TAS2R1: variants seen among roughly 807,000 people sequenced by gnomAD.
TAS2R1 encodes taste 2 receptor member 1, also known as taste receptor type 2 member 1.
For synonymous variants in TAS2R1, 141 were observed against 134.2 expected (o/e 1.05, Z -0.35); for missense variants, 370 against 353.4 (o/e 1.05, Z -0.38).
the TAS2R1 span, among the ~76,000 whole-genome samples, chr5:9,754,255 T>C: frequency 6.6e-6 from 1 of 152,094 alleles, no homozygotes; most frequent in South Asian, 2.1e-4. Context: ...ATGGGACGTA[T>C]CTCAAAATAA....
chr5:9,803,410 C>T, the TAS2R1 span, among the ~76,000 whole-genome samples: 1 of 152,150 alleles, frequency 6.6e-6, no homozygotes, highest in African/African-American at 2.4e-5. Flanking sequence ...AAATTCATCA[C>T]AAGAAGTTCA....
chr5:9,717,898 T>G, the TAS2R1 span, among the ~76,000 whole-genome samples: 2 of 152,202 alleles, frequency 1.3e-5, no homozygotes, highest in African/African-American at 4.8e-5. Flanking sequence ...ATATGTTTGT[T>G]TGCATAAATT....
At chr5:9,891,342 T>A in the TAS2R1 span, among the ~76,000 whole-genome samples, 8 of 152,102 alleles carry the variant, frequency 5.3e-5, no homozygotes, top group African/African-American at 7.2e-5. Flanking sequence ...GAAAAAAAAA[T>A]TTTCATAAAA....
the TAS2R1 span, among the ~76,000 whole-genome samples, chr5:9,728,846 T>A: frequency 6.6e-6 from 1 of 152,084 alleles, no homozygotes; most frequent in Non-Finnish European, 1.5e-5. Flanking sequence ...CAAAGAAGAT[T>A]CCATGGCATC....
At chr5:9,861,360 C>T in the TAS2R1 span, among the ~76,000 whole-genome samples, 1 of 152,076 alleles carries the variant, frequency 6.6e-6, no homozygotes, top group African/African-American at 2.4e-5. Flanking sequence ...CCTGTGTCAC[C>T]ATTAGAACAT....
the TAS2R1 span, among the ~76,000 whole-genome samples, chr5:9,794,526 A>G: frequency 6.6e-6 from 1 of 152,192 alleles, no homozygotes; most frequent in East Asian, 1.9e-4. Context: ...GATCATTCTT[A>G]TTTTACACAA....
At chr5:9,824,076 T>C in the TAS2R1 span, among the ~76,000 whole-genome samples, 1 of 152,252 alleles carries the variant, frequency 6.6e-6, no homozygotes, top group Admixed American at 6.5e-5. Context: ...AATTAGCAGA[T>C]GTGTAGGGCA....
At chr5:9,681,082 A>C (rs1436314949) in intron 1 of TAS2R1, among the ~76,000 whole-genome samples, 1 of 151,922 alleles carries the variant, frequency 6.6e-6, no homozygotes, top group African/African-American at 2.4e-5. Context: ...TCAATATTTT[A>C]AAAATAAATA....
intron 2 of TAS2R1, among the ~76,000 whole-genome samples, chr5:9,637,181 T>C (rs1015604766): frequency 6.6e-6 from 1 of 152,144 alleles, no homozygotes; most frequent in East Asian, 1.9e-4. Context: ...GTCCTTCATT[T>C]ATGAAGCTTA....
At chr5:9,658,745 T>C (rs1740467404) in intron 2 of TAS2R1, 1 of 152,224 alleles carries the variant, frequency 6.6e-6, no homozygotes, top group African/African-American at 2.4e-5. Flanking sequence ...TTAAAAGCTG[T>C]TACTTATTCA....
the TAS2R1 span, among the ~76,000 whole-genome samples, chr5:9,874,452 C>T: frequency 1.6e-5 from 2 of 127,060 alleles, no homozygotes; most frequent in Admixed American, 1.5e-4. Flanking sequence ...GAAATTCCTG[C>T]ATTATTCTTC....
the TAS2R1 span, among the ~76,000 whole-genome samples, chr5:9,843,815 G>T: frequency 3.3e-5 from 5 of 152,160 alleles, no homozygotes; most frequent in Admixed American, 3.3e-4. Flanking sequence ...CAACATAGTT[G>T]CAAGCTGGGC....
chr5:9,679,920 C>T (rs1240671818), intron 1 of TAS2R1, among the ~76,000 whole-genome samples: 1 of 152,220 alleles, frequency 6.6e-6, no homozygotes, highest in African/African-American at 2.4e-5. Flanking sequence ...ATCTTAGGTT[C>T]TAATATCATT....
the TAS2R1 span, among the ~76,000 whole-genome samples, chr5:9,829,501 A>G: frequency 6.6e-6 from 1 of 152,318 alleles, no homozygotes; most frequent in South Asian, 2.1e-4. Context: ...GACCAAAATC[A>G]TATCTGTTTC....
the TAS2R1 span, among the ~76,000 whole-genome samples, chr5:9,785,708 C>T: frequency 7.9e-5 from 12 of 152,212 alleles, no homozygotes; most frequent in African/African-American, 2.6e-4. Context: ...TTTATCTTAC[C>T]AGCCCAAGGA....
the TAS2R1 span, among the ~76,000 whole-genome samples, chr5:9,884,241 G>A: frequency 2.9e-4 from 44 of 151,892 alleles, no homozygotes; most frequent in Non-Finnish European, 5.7e-4. Context: ...TTTGGGAGGC[G>A]GAGGTGGGTG....
intron 1 of TAS2R1, among the ~76,000 whole-genome samples, chr5:9,671,641 A>G (rs1634300): frequency 0.38 from 57,903 of 151,942 alleles, 11,625 homozygotes; most frequent in Non-Finnish European, 0.45. Context: ...ACTCAGAGAT[A>G]AAAAAAACAA....
At chr5:9,656,100 A>G (rs761101856) in intron 2 of TAS2R1, among the ~76,000 whole-genome samples, 1 of 152,022 alleles carries the variant, frequency 6.6e-6, no homozygotes, top group Non-Finnish European at 1.5e-5. Context: ...TCCCCACAAA[A>G]TCAGTTCTGT....
intron 2 of TAS2R1, among the ~76,000 whole-genome samples, chr5:9,637,852 G>A (rs1414553620): frequency 6.6e-6 from 1 of 151,882 alleles, no homozygotes; most frequent in Non-Finnish European, 1.5e-5. Flanking sequence ...ATTTCTTTAA[G>A]TTTGTCTTCA....
Sources: allele counts gnomAD v4.1 joint callset (sites outside exome capture counted in the v4.1 genomes callset), GRCh38; gene constraint gnomAD v4.1.1; transcripts MANE v1.5; gene names NCBI Gene and HGNC (gene_info 2026-07-23, HGNC 2026-07-21).